The following COL4A3 variants were observed in gnomAD, a reference collection of about 807,000 sequenced individuals.
The protein encoded by COL4A3 is collagen alpha-3(IV) chain.
In COL4A3, 135 loss-of-function variants were observed where a neutral mutation model predicts 217.4. The ratio of observed to expected loss-of-function variants is 0.62; its 90% CI spans 0.54 to 0.72. The LOEUF (loss-of-function observed/expected upper bound fraction) is 0.72, where lower values mean the gene tolerates loss of function less well. Ranked by LOEUF, COL4A3 falls within the 30% of genes least tolerant of loss-of-function variation. COL4A3 has a pLI of 0.00. For missense variants in COL4A3, 1,868 were observed against 2,119.9 expected, an observed-to-expected ratio of 0.88 and a Z score of 2.33; for synonymous variants, 690 against 736.3, an observed-to-expected ratio of 0.94 and a Z score of 1.02.
At chr2:227,195,233 A>T (rs1366453661) in intron 1 of COL4A3, among the ~76,000 whole-genome samples, 2 of 152,130 alleles carry the variant, frequency 1.3e-5, no homozygotes, top group Non-Finnish European at 1.5e-5. Flanking sequence ...ATTAGGCAGA[A>T]AAATAAAATC....
chr2:227,237,803 C>G, intron 1 of COL4A3, 165 bp from the exon 2 acceptor site: 1 of 635,152 alleles, frequency 1.6e-6, no homozygotes, highest in East Asian at 3.1e-5. Flanking sequence ...TATTGCTATT[C>G]ATATATTGAT....
At chr2:227,225,194 C>A (rs1301598968) in intron 1 of COL4A3, among the ~76,000 whole-genome samples, 1 of 152,202 alleles carries the variant, frequency 6.6e-6, no homozygotes, top group Non-Finnish European at 1.5e-5. Flanking sequence ...GTGTGAGCCA[C>A]CTGGCCTAAA....
chr2:227,172,014 G>A (rs1387204566), intron 1 of COL4A3, among the ~76,000 whole-genome samples: 1 of 152,184 alleles, frequency 6.6e-6, no homozygotes, highest in Non-Finnish European at 1.5e-5. Flanking sequence ...CATGCGCAGT[G>A]TGTTCACTGG....
At chr2:227,276,997 G>C (rs1198491404) in intron 27 of COL4A3, among the ~76,000 whole-genome samples, 3 of 152,176 alleles carry the variant, frequency 2.0e-5, no homozygotes, top group Non-Finnish European at 4.4e-5. Flanking sequence ...GGGACAGGGA[G>C]GGGGAGCATA....
At chr2:227,243,979 A>T (rs1195338981) in intron 3 of COL4A3, among the ~76,000 whole-genome samples, 1 of 152,218 alleles carries the variant, frequency 6.6e-6, no homozygotes, top group Non-Finnish European at 1.5e-5. Flanking sequence ...GTGCACAAGA[A>T]TCACTAAAGA....
intron 1 of COL4A3, among the ~76,000 whole-genome samples, chr2:227,224,858 G>A: frequency 6.6e-6 from 1 of 152,046 alleles, no homozygotes; most frequent in Non-Finnish European, 1.5e-5. Flanking sequence ...TTATTGCTCT[G>A]AATGAATTTT....
At chr2:227,174,417 G>T (rs553782485) in intron 1 of COL4A3, among the ~76,000 whole-genome samples, 42 of 152,278 alleles carry the variant, frequency 2.8e-4, no homozygotes, top group African/African-American at 9.6e-4. Context: ...GTCTGAAAAT[G>T]GTGACAACAT....
At chr2:227,276,986 A>G (rs908173000) in intron 27 of COL4A3, among the ~76,000 whole-genome samples, 1 of 152,218 alleles carries the variant, frequency 6.6e-6, no homozygotes, top group East Asian at 1.9e-4. Context: ...TCCATTGGAT[A>G]GGGACAGGGA....
Position 227,270,787 on chromosome 2 carries a change from G to T in COL4A3, c.1593G>T (p.Gln531His), listed in dbSNP as rs2071188433. 1 of 1,613,990 alleles carries T rather than the reference G, an allele frequency of 6.2e-7. No individual in the cohort carries two copies. The highest frequency in any genetic ancestry group is 8.5e-7 in the Non-Finnish European group (1 of 1,180,014). The change falls in exon 25 of 52, where the codon CAG (glutamine) becomes CAT (histidine). Residue 531 changes from glutamine (Q) to histidine (H), a missense_variant. Gln to His is a conservative substitution (Grantham distance 24). This residue lies in a region of COL4A3 where 1,503 missense variants were observed against 1,786.1 expected (regional missense o/e 0.84). Transcript: ENST00000396578. ...LPGFPGFPGAQGDPGLKGEKG... is the reference protein window; with the variant it reads ...LPGFPGFPGAHGDPGLKGEKG... ...TACCCTAGGGTTTCCCAGGTGCCCA[G>T]GGTGACCCAGGACTTAAAGGAGAAA... is the stretch of plus-strand genomic sequence containing the variant.
chr2:227,282,656 A>G lies in COL4A3; in HGVS notation c.2656+124A>G, dbSNP rs1475052540. On this transcript the variant is annotated intron_variant, in intron 32 of 51. Transcript: ENST00000396578. This position sits in a 1 kb window ranked among gnomAD's most constrained non-coding sequence, Gnocchi z 4.4. ...TTACTTAATATAAGGTTTTCCTTCT[A>G]AATTATTTGTAAGAAACCAGGGGCC... 2.1e-6 allele frequency: 2 copies of G among 941,442 alleles called. No individual in the cohort carries two copies. The highest frequency in any genetic ancestry group is 3.3e-6 in the Non-Finnish European group (2 of 612,972). 58.3% of individuals were successfully genotyped at this position (941,442 alleles called of 1,614,324 possible). A position where few individuals can be genotyped will look rare whatever the true frequency, so the allele number is the denominator to read the frequency against.
intron 1 of COL4A3, among the ~76,000 whole-genome samples, chr2:227,193,117 G>C (rs1050958351): frequency 6.6e-6 from 1 of 152,044 alleles, no homozygotes; most frequent in African/African-American, 2.4e-5. Context: ...TCACCTGATA[G>C]GACTAAGTGC....
At chr2:227,276,818 T>C (rs1461000933) in intron 27 of COL4A3, among the ~76,000 whole-genome samples, 2 of 152,264 alleles carry the variant, frequency 1.3e-5, no homozygotes, top group Non-Finnish European at 2.9e-5. Flanking sequence ...ATATTTTCCA[T>C]AGCATCTTCA....
Position 227,272,979 on chromosome 2 carries a change from C to A in COL4A3, c.1789C>A (p.Pro597Thr), listed in dbSNP as rs1370386326. The change falls in exon 26 of 52, where the codon CCT (proline) becomes ACT (threonine). Residue 597 changes from proline to threonine, a missense_variant. Pro to Thr is a conservative substitution (Grantham distance 38). Around this residue, in one of 2 missense-constraint regions of COL4A3, gnomAD observed 1,503 missense variants for 1,786.1 expected, o/e 0.84. Coordinates refer to ENST00000396578, the MANE Select transcript of COL4A3 (RefSeq NM_000091.5). ...ALSGEKGDQG[P>T]PGDPGSPGSP... ...GAGTGGTGAGAAAGGGGACCAAGGT[C>A]CTCCAGGGGATCCTGGCTCCCCTGG... The A allele has an allele frequency of 6.2e-7, 1 of 1,614,128 alleles. No homozygotes were observed. Among genetic ancestry groups the A allele is most frequent in the East Asian group, 2.2e-5 (1 of 44,864 alleles).
chr2:227,196,577 A>G (rs1423480550), intron 1 of COL4A3, among the ~76,000 whole-genome samples: 1 of 152,118 alleles, frequency 6.6e-6, no homozygotes, highest in Non-Finnish European at 1.5e-5. Context: ...TCAGCCTCCC[A>G]AAGTGCTGGG....
intron 1 of COL4A3, among the ~76,000 whole-genome samples, chr2:227,183,167 C>T (rs987838227): frequency 4.6e-5 from 7 of 152,232 alleles, no homozygotes; most frequent in African/African-American, 1.7e-4. Context: ...AAAGACAGTA[C>T]TTTTTGTTTC....
chr2:227,189,224 G>T (rs2066141589), intron 1 of COL4A3, among the ~76,000 whole-genome samples: 1 of 152,150 alleles, frequency 6.6e-6, no homozygotes, highest in African/African-American at 2.4e-5. Context: ...TAGAGGAATG[G>T]AGAGCACAGA....
At chr2:227,186,926 T>A (rs1471022697) in intron 1 of COL4A3, among the ~76,000 whole-genome samples, 2 of 152,186 alleles carry the variant, frequency 1.3e-5, no homozygotes, top group Non-Finnish European at 2.9e-5. Flanking sequence ...TAATACTTTC[T>A]CATTGTGTCC....
intron 9 of COL4A3, among the ~76,000 whole-genome samples, chr2:227,248,985 T>TAAAAAAAAAAAAAAAAAAAAAAAA (rs1237227759): frequency 2.6e-5 from 4 of 151,388 alleles, no homozygotes; most frequent in Non-Finnish European, 5.9e-5. Flanking sequence ...GTTGAGATAA[T>TAAAAAAAAAAAAAAAAAAAAAAAA]AAAGAAAAGA....
At chr2:227,167,895 T>TTG (rs139219850) in intron 1 of COL4A3, among the ~76,000 whole-genome samples, 23 of 152,272 alleles carry the variant, frequency 1.5e-4, no homozygotes, top group Non-Finnish European at 2.6e-4. Flanking sequence ...CTGCACAGTT[T>TTG]TGTGTGTGTG....
Sources: gnomAD v4.1 joint callset for allele counts (sites outside exome capture counted in the v4.1 genomes callset) on GRCh38, gnomAD v4.1.1 for gene constraint, gnomAD v4.1.1 regional missense constraint, Gnocchi (gnomAD v3.1) non-coding constraint, MANE v1.5 for transcripts, NCBI Gene and HGNC (gene_info 2026-07-23, HGNC 2026-07-21) for gene names.